Variants in SCAF8 observed in about 807,000 individuals in gnomAD.
SCAF8 encodes SR-related and CTD-associated factor 8.
SCAF8 carries 23 observed loss-of-function variants against 140.5 expected under a neutral mutation model. That is an observed-to-expected ratio of 0.16 (90% CI 0.12 to 0.23). SCAF8 has a LOEUF of 0.23. Among genes scored for constraint, SCAF8 ranks in the 10% least tolerant of loss-of-function variants. SCAF8 has a pLI of 1.00. For synonymous variants in SCAF8, 575 were observed against 528.9 expected (o/e 1.09, Z -1.20); for missense variants, 1,397 against 1,555.7 (o/e 0.90, Z 1.72).
chr6:154,831,110 C>G lies in SCAF8; in HGVS notation c.2329C>G (p.Gln777Glu), dbSNP rs1325174626. ...EEKVPHLIDHQISSGENTRSV... is the reference protein window; with the variant it reads ...EEKVPHLIDHEISSGENTRSV... Reference sequence around the variant, plus strand: ...AAAAGTACCTCATCTTATAGACCACCAGATTTCTTCTGGTGAAAACACCAG... The same window carrying G: ...AAAAGTACCTCATCTTATAGACCACGAGATTTCTTCTGGTGAAAACACCAG... The change falls in exon 19 of 20, where the codon CAG becomes GAG. Residue 777 changes from glutamine to glutamate, a missense_variant. Gln to Glu is a conservative substitution (Grantham distance 29). Around this residue, in one of 5 missense-constraint regions of SCAF8, gnomAD observed 930 missense variants for 874.6 expected, o/e 1.06. Coordinates refer to ENST00000367178, the MANE Select transcript of SCAF8 (RefSeq NM_014892.5). 1 of 1,611,224 alleles carries G rather than the reference C, an allele frequency of 6.2e-7. No individual in the cohort carries two copies. Among genetic ancestry groups the G allele is most frequent in the Non-Finnish European group, 8.5e-7 (1 of 1,177,730 alleles).
intron 1 of SCAF8, among the ~76,000 whole-genome samples, chr6:154,764,840 T>A (rs947182056): frequency 6.6e-6 from 1 of 152,216 alleles, no homozygotes; most frequent in African/African-American, 2.4e-5. Context: ...TTTTTTATCC[T>A]GGATCAGATT....
chr6:154,794,953 A>G, intron 5 of SCAF8, 56 bp from the exon 6 acceptor site: 1 of 1,460,050 alleles, frequency 6.8e-7, no homozygotes, highest in Non-Finnish European at 9.3e-7. Flanking sequence ...TGCTTTTTCT[A>G]GTCTTAGTTA....
In SCAF8 at chr6:154,833,251, G is replaced by T. The variant is rs775486356; in HGVS notation, c.3672G>T (p.Gln1224His). The T allele has an allele frequency of 4.3e-6, 7 of 1,613,872 alleles. No homozygotes were observed. The Admixed American group carries it at 1.2e-4, about 27-fold the overall frequency. The change falls in exon 20 of 20, where the codon CAG becomes CAT. Residue 1224 changes from glutamine to histidine, a missense_variant. Coordinates refer to ENST00000367178, the MANE Select transcript of SCAF8 (RefSeq NM_014892.5). Reference protein sequence around the residue: ...VNGENTERHAQPPPIPVQNDP... With the variant: ...VNGENTERHAHPPPIPVQNDP... ...GTGAAAATACAGAGAGACATGCTCA[G>T]CCACCACCTATACCAGTACAGAATG...
At position 154,832,854 on chromosome 6, in the gene SCAF8, C is replaced by T. The variant is rs370019856; in HGVS notation, c.3275C>T (p.Pro1092Leu). 1.2e-6 allele frequency: 2 copies of T among 1,613,838 alleles called. No individual in the cohort carries two copies. The highest frequency in any genetic ancestry group is 1.7e-6 in the Non-Finnish European group (2 of 1,179,980). The change falls in exon 20 of 20, where the codon CCC becomes CTC. Residue 1092 changes from proline (P) to leucine (L), a missense_variant. Physicochemically the swap from Pro to Leu is moderately conservative, Grantham distance 98 (BLOSUM62 -3). Transcript: ENST00000367178. ...RDHFGFNPEK[P>L]WGHRGDFDER... ...CACTTTGGCTTTAATCCAGAGAAGC[C>T]CTGGGGGCATAGAGGAGATTTTGAT...
chr6:154,770,520 G>A (rs1011260152), intron 1 of SCAF8, among the ~76,000 whole-genome samples: 1 of 151,804 alleles, frequency 6.6e-6, no homozygotes. Context: ...GCAGTGATCG[G>A]TGCTTATGCC....
chr6:154,770,386 A>ACACACACTCT (rs1776706039), intron 1 of SCAF8, among the ~76,000 whole-genome samples: 6 of 133,428 alleles, frequency 4.5e-5, no homozygotes, highest in Non-Finnish European at 9.5e-5. Context: ...ACACACACAC[A>ACACACACTCT]CACTCTCTCT....
At position 154,781,401 on chromosome 6, in the gene SCAF8, A is replaced by G. The variant is rs1031239042; in HGVS notation, c.159+3356A>G. ...GATAGGAAGAATCAATATCGTGAAC[A>G]TGGCCATACTGCCCAAAGTAATTTA... On this transcript the variant is annotated intron_variant, in intron 3 of 19. Coordinates refer to ENST00000367178, the MANE Select transcript of SCAF8 (RefSeq NM_014892.5). Among the ~76,000 whole-genome samples the G allele has an allele frequency of 5.9e-5, 9 of 152,358 alleles. No homozygotes were observed. In the East Asian group the frequency reaches 1.7e-3, roughly 29 times the overall value.
At position 154,803,546 on chromosome 6, in the gene SCAF8, G is replaced by A; in HGVS notation, c.786G>A (p.Lys262=). 1.2e-6 allele frequency: 2 copies of A among 1,610,074 alleles called. No homozygotes were observed. Among genetic ancestry groups the A allele is most frequent in the Admixed American group, 1.7e-5 (1 of 59,942 alleles). Reference sequence around the variant, plus strand: ...CTGTTTCTCCTTCTTTCCCCCAGAAGTTGATGGATAGGTTTGATTTTGGGG... The same window carrying A: ...CTGTTTCTCCTTCTTTCCCCCAGAAATTGATGGATAGGTTTGATTTTGGGG... ...PLEQGVSFNK[K]LMDRFDFGED... Residue 262 remains lysine (K), a splice_region_variant and synonymous_variant, in exon 8 of 20, where the codon AAG becomes AAA. Transcript: ENST00000367178.
chr6:154,756,056 A>G (rs1778958950), intron 1 of SCAF8, among the ~76,000 whole-genome samples: 1 of 152,130 alleles, frequency 6.6e-6, no homozygotes, highest in South Asian at 2.1e-4. Flanking sequence ...TTCTAACTGG[A>G]TGTTTATTTC....
intron 1 of SCAF8, among the ~76,000 whole-genome samples, chr6:154,734,937 A>T (rs1778371545): frequency 6.6e-6 from 1 of 152,168 alleles, no homozygotes; most frequent in Non-Finnish European, 1.5e-5. Context: ...AGCCTGGCCA[A>T]CGTGGTGAAA....
intron 14 of SCAF8, 121 bp from the exon 15 acceptor site, chr6:154,820,056 G>C (rs1258948023): frequency 1.4e-6 from 1 of 692,864 alleles, no homozygotes; most frequent in Non-Finnish European, 2.2e-6. Context: ...TGCTTTTCCA[G>C]CTGTTTTCTA....
chr6:154,817,578 G>A (rs183182688), intron 13 of SCAF8, among the ~76,000 whole-genome samples: 2 of 152,274 alleles, frequency 1.3e-5, no homozygotes, highest in African/African-American at 4.8e-5. Flanking sequence ...TGAGGAATTA[G>A]AGCTAGATTG....
At chr6:154,742,337 C>A (rs1562421724) in intron 1 of SCAF8, among the ~76,000 whole-genome samples, 4 of 152,062 alleles carry the variant, frequency 2.6e-5, no homozygotes, top group African/African-American at 9.7e-5. Flanking sequence ...GAATTGCAGA[C>A]CTCTTAATTG....
At chr6:154,776,681 C>G (rs1270693208) in intron 2 of SCAF8, among the ~76,000 whole-genome samples, 1 of 152,144 alleles carries the variant, frequency 6.6e-6, no homozygotes, top group Non-Finnish European at 1.5e-5. Flanking sequence ...ACTTAAGTAA[C>G]TTAAACCATT....
chr6:154,797,778 G>A (rs1018307506), intron 6 of SCAF8, among the ~76,000 whole-genome samples: 4 of 151,158 alleles, frequency 2.6e-5, no homozygotes, highest in Non-Finnish European at 3.0e-5. Context: ...CCAACTTTGT[G>A]GTATTTAGAG....
At chr6:154,766,669 CTT>C (rs56995922) in intron 1 of SCAF8, among the ~76,000 whole-genome samples, 1 of 82,420 alleles carries the variant, frequency 1.2e-5, no homozygotes, top group Non-Finnish European at 2.1e-5. Flanking sequence ...ACCCCCCCCC[CTT>C]TTTTTTTTTT....
chr6:154,794,933 C>T (rs2114884600), intron 5 of SCAF8, 76 bp from the exon 6 acceptor site: 2 of 1,310,592 alleles, frequency 1.5e-6, no homozygotes, highest in Non-Finnish European at 2.1e-6. Context: ...AGTAATAAAA[C>T]AAGTTATTCT....
At chr6:154,745,540 AT>A (rs1396348559) in intron 1 of SCAF8, among the ~76,000 whole-genome samples, 1 of 151,966 alleles carries the variant, frequency 6.6e-6, no homozygotes, top group African/African-American at 2.4e-5. Context: ...TGCCTGCCTG[AT>A]TTTTTAGATT....
intron 3 of SCAF8, among the ~76,000 whole-genome samples, chr6:154,786,053 G>A (rs773429441): frequency 6.6e-5 from 10 of 152,212 alleles, no homozygotes; most frequent in Non-Finnish European, 1.5e-4. Flanking sequence ...CAAGACAGGA[G>A]AATTGCAATG....
Sources: allele counts gnomAD v4.1 joint callset (sites outside exome capture counted in the v4.1 genomes callset), GRCh38; gene constraint gnomAD v4.1.1; regional missense constraint gnomAD v4.1.1; transcripts MANE v1.5; gene names NCBI Gene and HGNC (gene_info 2026-07-23, HGNC 2026-07-21).